PIGN: variants seen among roughly 807,000 people sequenced by gnomAD.
PIGN encodes the protein phosphatidylinositol glycan anchor biosynthesis class N.
PIGN carries 117 observed loss-of-function variants against 125.4 expected under a neutral mutation model. The observed-to-expected ratio is 0.93, with a 90% CI of 0.80 to 1.09. PIGN has a LOEUF of 1.09. PIGN is among the 50% of genes least tolerant of loss of function. The pLI is 0.00. For missense variants in PIGN, 1,075 were observed against 1,094.9 expected (o/e 0.98, Z 0.26); for synonymous variants, 392 against 377.8 (o/e 1.04, Z -0.44).
intron 30 of PIGN, among the ~76,000 whole-genome samples, chr18:62,066,935 T>C (rs1314919229): frequency 6.6e-6 from 1 of 152,238 alleles, no homozygotes; most frequent in Non-Finnish European, 1.5e-5. Context: ...TACTACTTTG[T>C]TTCTCCTCCC....
intron 1 of PIGN, among the ~76,000 whole-genome samples, chr18:62,164,029 A>G (rs1029010663): frequency 1.3e-5 from 2 of 152,208 alleles, no homozygotes; most frequent in African/African-American, 4.8e-5. Context: ...TTTAAGACTG[A>G]AATCAGAACA....
rs1430149153 is a variant in PIGN at position 62,043,731 on chromosome 18, T to C, written c.*2125A>G. On this transcript the variant is annotated 3_prime_UTR_variant, in exon 31 of 31. Transcript: ENST00000640252. ...CCTTAGGATTCCCTCTAAGGTTTAT[T>C]CATGGGCCCTCTAAGATGATAGCAT... 1.3e-5 allele frequency: 2 copies of C among 152,164 alleles called. No individual in the cohort carries two copies. The highest frequency in any genetic ancestry group is 2.9e-5 in the Non-Finnish European group (2 of 68,032). The allele number at this position is 152,164 out of a possible 1,614,324, so 9.4% of individuals were successfully genotyped here.
chr18:62,120,356 G>A (rs139252129), intron 14 of PIGN, among the ~76,000 whole-genome samples: 1 of 152,240 alleles, frequency 6.6e-6, no homozygotes, highest in African/African-American at 2.4e-5. Context: ...TGTTTGAAAA[G>A]TTAAGGTAAA....
rs2035182074 is a variant in PIGN at position 62,118,774 on chromosome 18, T to G, written c.1173-4135A>C. On this transcript the variant is annotated intron_variant, in intron 14 of 30. Coordinates refer to ENST00000640252, the MANE Select transcript of PIGN (RefSeq NM_176787.5). Reference sequence around the variant, plus strand: ...TAACACATATTCTGAGGTGAAATCTTAAGAAGAGTGAGAGAAAGAGCTTTT... The same window carrying G: ...TAACACATATTCTGAGGTGAAATCTGAAGAAGAGTGAGAGAAAGAGCTTTT... 5.9e-5 allele frequency: 9 copies of G among 151,742 alleles called. No individual in the cohort carries two copies. In the South Asian group the frequency reaches 1.5e-3, roughly 25 times the overall value. 9.4% of individuals were successfully genotyped at this position (151,742 alleles called of 1,614,324 possible). A position where few individuals can be genotyped will look rare whatever the true frequency, so the allele number is the denominator to read the frequency against.
intron 23 of PIGN, among the ~76,000 whole-genome samples, chr18:62,024,072 T>C (rs1031433646): frequency 2.6e-5 from 4 of 152,178 alleles, no homozygotes; most frequent in Admixed American, 1.3e-4. Flanking sequence ...TAAAAGTAGG[T>C]TTTGTCTAAG....
At chr18:62,075,236 A>G (rs2033109967) in intron 28 of PIGN, 1 of 158,580 alleles carries the variant, frequency 6.3e-6, no homozygotes, top group Non-Finnish European at 1.4e-5. Flanking sequence ...CTGTCAAGGT[A>G]AAGAGTGTTC....
At chr18:62,108,289 C>A (rs1438133114) in intron 17 of PIGN, among the ~76,000 whole-genome samples, 1 of 152,086 alleles carries the variant, frequency 6.6e-6, no homozygotes, top group Non-Finnish European at 1.5e-5. Context: ...ACACAACATA[C>A]TTTCAAAATC....
At chr18:62,034,446 G>A (rs543206307) in intron 23 of PIGN, among the ~76,000 whole-genome samples, 20 of 152,218 alleles carry the variant, frequency 1.3e-4, no homozygotes, top group African/African-American at 4.6e-4. Flanking sequence ...AGCTTGCACC[G>A]TGCACCTGAA....
intron 23 of PIGN, among the ~76,000 whole-genome samples, chr18:62,020,001 C>T (rs1358690796): frequency 1.3e-5 from 2 of 152,216 alleles, no homozygotes; most frequent in Non-Finnish European, 2.9e-5. Flanking sequence ...AGGGCACGGT[C>T]CCATTGGGAG....
At chr18:62,031,920 C>T (rs2030197087) in intron 23 of PIGN, among the ~76,000 whole-genome samples, 2 of 152,084 alleles carry the variant, frequency 1.3e-5, no homozygotes, top group African/African-American at 4.8e-5. Flanking sequence ...ATCCAGGTAC[C>T]AGTAGAGTGC....
At chr18:62,127,319 A>G (rs2146920396) in intron 14 of PIGN, among the ~76,000 whole-genome samples, 1 of 152,324 alleles carries the variant, frequency 6.6e-6, no homozygotes, top group Non-Finnish European at 1.5e-5. Context: ...GAATATTTAC[A>G]TCAGGCTACA....
intron 30 of PIGN, chr18:62,051,844 T>C (rs938137356): frequency 3.3e-5 from 5 of 152,184 alleles, no homozygotes; most frequent in African/African-American, 1.2e-4. Context: ...CATTTAGTGC[T>C]ATAAATTTCC....
rs1277015361 is a variant in PIGN, at chr18:62,161,221, T to C, written c.133A>G (p.Arg45Gly). The change falls in exon 4 of 31, where the codon AGA becomes GGA. Residue 45 changes from arginine to glycine, a missense_variant. Coordinates refer to ENST00000640252, the MANE Select transcript of PIGN (RefSeq NM_176787.5). The stretch of plus-strand genomic sequence containing the variant: ...CCATCAGCAACAAACAACACTAATC[T>C]TCTCGCTGGAGGAGGCAATGGTGTA... ...QFTPLPPPARRLVLFVADGLR... is the reference protein window; with the variant it reads ...QFTPLPPPARGLVLFVADGLR... The C allele has an allele frequency of 6.2e-7, 1 of 1,613,752 alleles. No individual in the cohort carries two copies. The highest frequency in any genetic ancestry group is 8.5e-7 in the Non-Finnish European group (1 of 1,179,830).
At chr18:62,122,918 T>G (rs959307206) in intron 14 of PIGN, among the ~76,000 whole-genome samples, 1 of 152,170 alleles carries the variant, frequency 6.6e-6, no homozygotes, top group African/African-American at 2.4e-5. Context: ...TTTGCAGCGT[T>G]AATTAACTCT....
chr18:62,082,610 A>T, intron 28 of PIGN, 63 bp downstream of exon 28: 1 of 855,504 alleles, frequency 1.2e-6, no homozygotes, highest in Admixed American at 2.2e-5. Flanking sequence ...AATGTCTTCG[A>T]AAGTTTACTC....
chr18:62,113,537 A>G (rs1204736085), intron 15 of PIGN, among the ~76,000 whole-genome samples: 1 of 152,190 alleles, frequency 6.6e-6, no homozygotes, highest in African/African-American at 2.4e-5. Context: ...TTAATAAGAA[A>G]GGGCATTTTA....
At chr18:62,150,698 TTTG>T (rs1318812981) in intron 7 of PIGN, among the ~76,000 whole-genome samples, 1 of 77,038 alleles carries the variant, frequency 1.3e-5, no homozygotes, top group Non-Finnish European at 3.4e-5. Flanking sequence ...AGTTATTTTT[TTTG>T]TTTGTTTGTT....
chr18:62,055,773 G>C (rs1043641306), intron 30 of PIGN, among the ~76,000 whole-genome samples: 1 of 151,784 alleles, frequency 6.6e-6, no homozygotes, highest in African/African-American at 2.4e-5. Context: ...ACAAAATCAA[G>C]AGGTGGGCTG....
intron 13 of PIGN, 34 bp downstream of exon 13, chr18:62,138,949 T>G: frequency 2.6e-6 from 3 of 1,148,496 alleles, no homozygotes; most frequent in African/African-American, 1.5e-5. Context: ...GTATTGTCCA[T>G]TTTTGTGCGT....
Sources: gnomAD v4.1 joint callset for allele counts (sites outside exome capture counted in the v4.1 genomes callset) on GRCh38, gnomAD v4.1.1 for gene constraint, MANE v1.5 for transcripts, NCBI Gene and HGNC (gene_info 2026-07-23, HGNC 2026-07-21) for gene names.